The following LMF1 variants were observed in gnomAD, a reference collection of about 807,000 sequenced individuals.
LMF1 encodes the protein transmembrane protein 112.
LMF1 carries 68 observed loss-of-function variants against 60.6 expected under a neutral mutation model. The observed-to-expected ratio is 1.12, with a 90% CI of 0.92 to 1.37. LMF1 has a LOEUF of 1.37. Ranked by LOEUF, LMF1 falls within the 40% of genes most tolerant of loss-of-function variation. The probability of loss-of-function intolerance (pLI) is 0.00; values close to 1 mark genes in which losing one functional copy is unlikely to be tolerated. For synonymous variants in LMF1, 418 were observed against 324.7 expected (o/e 1.29, Z -3.09); for missense variants, 948 against 767.2 (o/e 1.24, Z -2.78).
At chr16:934,674 G>A (rs1393665191) in intron 2 of LMF1, among the ~76,000 whole-genome samples, 3 of 152,278 alleles carry the variant, frequency 2.0e-5, no homozygotes, top group Admixed American at 2.0e-4. Context: ...TGGTGGGAAA[G>A]GCTGGGCAAG....
upstream of LMF1, among the ~76,000 whole-genome samples, chr16:973,331 C>T (rs559614627): frequency 3.3e-5 from 5 of 152,184 alleles, no homozygotes; most frequent in South Asian, 4.2e-4. Flanking sequence ...GGCCACAGAG[C>T]GAGACTCTGT....
At chr16:966,973 A>T (rs1055330529) in intron 1 of LMF1, among the ~76,000 whole-genome samples, 7 of 152,264 alleles carry the variant, frequency 4.6e-5, no homozygotes, top group African/African-American at 7.2e-5. Flanking sequence ...TCTCATCAAT[A>T]GCAAACCAAC....
intron 2 of LMF1, among the ~76,000 whole-genome samples, chr16:952,868 G>A (rs1186607582): frequency 1.4e-4 from 20 of 138,054 alleles, no homozygotes; most frequent in Admixed American, 1.4e-3. Flanking sequence ...CCCCAAACCA[G>A]CCTCCTACAC....
intron 6 of LMF1, 23 bp downstream of exon 6, chr16:879,547 C>T: frequency 6.2e-7 from 1 of 1,610,184 alleles, no homozygotes; most frequent in African/African-American, 1.3e-5. Flanking sequence ...GGACACGGGG[C>T]AGGGCGGGCG....
chr16:973,402 A>T (rs1218112681), upstream of LMF1, among the ~76,000 whole-genome samples: 2 of 152,208 alleles, frequency 1.3e-5, no homozygotes, highest in Non-Finnish European at 2.9e-5. Context: ...TACAACACAG[A>T]TGAACCTCAG....
At chr16:932,131 C>G (rs1218350072) in intron 3 of LMF1, among the ~76,000 whole-genome samples, 1 of 152,250 alleles carries the variant, frequency 6.6e-6, no homozygotes, top group Non-Finnish European at 1.5e-5. Flanking sequence ...ACTGCCTCTG[C>G]CGCTCCAGCA....
At chr16:959,553 G>C (rs567876400) in intron 1 of LMF1, among the ~76,000 whole-genome samples, 3 of 152,144 alleles carry the variant, frequency 2.0e-5, no homozygotes, top group East Asian at 3.9e-4. Flanking sequence ...CCAGGAGGTT[G>C]GGGGATGCAG....
chr16:871,113 C>T (rs1195788073), intron 7 of LMF1, 48 bp downstream of exon 7: 1 of 1,498,890 alleles, frequency 6.7e-7, no homozygotes, highest in Non-Finnish European at 8.9e-7. Flanking sequence ...CTGGCACCAC[C>T]CGACTTTCTC....
chr16:956,464 A>G (rs1216981395), intron 1 of LMF1, among the ~76,000 whole-genome samples: 1 of 152,252 alleles, frequency 6.6e-6, no homozygotes, highest in East Asian at 1.9e-4. Context: ...AGCTGGATCT[A>G]ATTCATCATG....
In LMF1 at chr16:878,746, G is replaced by A. The variant is rs1052470685; in HGVS notation, c.897+824C>T. On this transcript the variant is annotated intron_variant, in intron 6 of 10. Coordinates refer to ENST00000262301, the MANE Select transcript of LMF1 (RefSeq NM_022773.4). The surrounding 1 kb of genome is among the most constrained non-coding windows in gnomAD (Gnocchi z 5.2). Reference sequence around the variant, plus strand: ...GGGGTGGGCAGGGCAGGGGAAGGGCGGGGGCAGGGGCGGGCAGGGCAGGGG... The same window carrying A: ...GGGGTGGGCAGGGCAGGGGAAGGGCAGGGGCAGGGGCGGGCAGGGCAGGGG... 4.0e-4 allele frequency among the ~76,000 whole-genome samples: 59 copies of A among 148,330 alleles called. 1 individual carries two copies. Among genetic ancestry groups the A allele is most frequent in the Non-Finnish European group, 3.7e-4 (25 of 67,496 alleles).
intron 4 of LMF1, among the ~76,000 whole-genome samples, chr16:894,824 C>T (rs946466992): frequency 4.6e-5 from 7 of 152,202 alleles, no homozygotes; most frequent in African/African-American, 1.4e-4. Flanking sequence ...GCTGGGGTGT[C>T]GGGCCTGGCT....
chr16:918,717 T>C (rs9889137), intron 3 of LMF1, among the ~76,000 whole-genome samples: 78,042 of 152,146 alleles, frequency 0.51, 22,726 homozygotes, highest in African/African-American at 0.8. Flanking sequence ...AAAGGCAGCC[T>C]GCGTGGCTGA....
At position 942,329 on chromosome 16, in the gene LMF1, C is replaced by T. The variant is rs1263823514; in HGVS notation, c.504-8075G>A. Among the ~76,000 whole-genome samples the T allele has an allele frequency of 2.0e-5, 3 of 152,212 alleles. No individual in the cohort carries two copies. In the East Asian group the frequency reaches 5.8e-4, roughly 29 times the overall value. On this transcript the variant is annotated intron_variant, in intron 2 of 10. Transcript: ENST00000262301. ...TTTTCCTTCCAGGTGCTATCTTTGT[C>T]TTTGGTATTCGGTAGTTTGACTACA...
At chr16:954,045 A>ATGT (rs2072596818) in intron 2 of LMF1, among the ~76,000 whole-genome samples, 2 of 139,374 alleles carry the variant, frequency 1.4e-5, no homozygotes, top group African/African-American at 5.1e-5. Context: ...AGCCTCCTAC[A>ATGT]CGTCCACACA....
At chr16:871,362 A>G (rs1371824456) in intron 6 of LMF1, 21 bp from the exon 7 acceptor site, 1 of 1,605,304 alleles carries the variant, frequency 6.2e-7, no homozygotes, top group South Asian at 1.1e-5. Flanking sequence ...GCCGCAGCTG[A>G]GTCTCGTGCA....
intron 6 of LMF1, among the ~76,000 whole-genome samples, chr16:876,412 A>G (rs2069976088): frequency 6.6e-6 from 1 of 152,128 alleles, no homozygotes; most frequent in Non-Finnish European, 1.5e-5. Flanking sequence ...CGTTTGTCGG[A>G]GCTCACAGAA....
chr16:971,590 C>A (rs1228225205), upstream of LMF1, among the ~76,000 whole-genome samples: 1 of 152,234 alleles, frequency 6.6e-6, no homozygotes, highest in East Asian at 1.9e-4. Context: ...GACTGGACTT[C>A]AAGCTGTGGG....
chr16:914,383 T>C (rs2071209476), intron 3 of LMF1, among the ~76,000 whole-genome samples: 1 of 152,220 alleles, frequency 6.6e-6, no homozygotes, highest in South Asian at 2.1e-4. Context: ...ACCTTCCTGC[T>C]CTGCAGGACA....
chr16:895,927 T>C (rs1374553788), intron 4 of LMF1, among the ~76,000 whole-genome samples: 1 of 66,892 alleles, frequency 1.5e-5, no homozygotes, highest in Non-Finnish European at 2.9e-5. Flanking sequence ...GTTGTGAGGC[T>C]CAGCCACCCA....
Sources: gnomAD v4.1 joint callset for allele counts (sites outside exome capture counted in the v4.1 genomes callset) on GRCh38, gnomAD v4.1.1 for gene constraint, Gnocchi (gnomAD v3.1) non-coding constraint, MANE v1.5 for transcripts, NCBI Gene and HGNC (gene_info 2026-07-23, HGNC 2026-07-21) for gene names.